MAP2K4: variants seen among roughly 807,000 people sequenced by gnomAD.
The protein encoded by MAP2K4 is dual specificity mitogen-activated protein kinase kinase 4.
Under a neutral mutation model 48.5 loss-of-function variants are expected in MAP2K4, and 4 were observed. That is an observed-to-expected ratio of 0.08 (90% CI 0.04 to 0.19). The LOEUF is 0.19. MAP2K4 is among the 10% of genes least tolerant of loss of function. The pLI, the probability that MAP2K4 is intolerant of heterozygous loss-of-function variation, is 1.00. For synonymous variants in MAP2K4, 166 were observed against 173.1 expected (o/e 0.96, Z 0.32); for missense variants, 258 against 493.3 (o/e 0.52, Z 4.52).
intron 2 of MAP2K4, among the ~76,000 whole-genome samples, chr17:12,073,764 T>G (rs1970898171): frequency 1.4e-5 from 2 of 145,162 alleles, no homozygotes; most frequent in South Asian, 4.6e-4. Context: ...TTCCTTCTCG[T>G]TGTAGATTTT....
Position 12,081,585 on chromosome 17 carries a change from G to T in MAP2K4, c.393+55G>T, listed in dbSNP as rs930842398. 22 of 1,547,640 alleles carry T rather than the reference G, an allele frequency of 1.4e-5. No homozygotes were observed. In the East Asian group the frequency reaches 4.8e-4, roughly 33 times the overall value. ...TTTAATCCATTAGGTGAAATTTCAT[G>T]GTGCAGTAATACCACTGTTGTTGTG... On this transcript the variant is annotated intron_variant, in intron 3 of 10. Coordinates refer to ENST00000353533, the MANE Select transcript of MAP2K4 (RefSeq NM_003010.4). This position sits in a 1 kb window ranked among gnomAD's most constrained non-coding sequence, Gnocchi z 4.2.
At chr17:12,110,538 A>G (rs1972270557) in intron 6 of MAP2K4, 112 bp downstream of exon 6, 1 of 758,854 alleles carries the variant, frequency 1.3e-6, no homozygotes, top group Admixed American at 2.8e-5. Context: ...AAATATTTGT[A>G]TTTTTAGCAA....
rs2151500907 is a variant in MAP2K4, at chr17:12,020,935, G to A, written c.49G>A (p.Gly17Ser). 8.2e-7 allele frequency: 1 copy of A among 1,216,090 alleles called. No homozygotes were observed. Among genetic ancestry groups the A allele is most frequent in the African/African-American group, 1.6e-5 (1 of 63,718 alleles). The allele number at this position is 1,216,090 out of a possible 1,614,324, so 75.3% of individuals were successfully genotyped here. ...SGGGGSGGGS[G>S]SGTPGPVGSP... The stretch of plus-strand genomic sequence containing the variant: ...CGGCGGCGGCTCCGGGGGCGGCAGC[G>A]GCAGCGGCACCCCCGGCCCCGTAGG... The change falls in exon 1 of 11, where the codon GGC becomes AGC. Residue 17 changes from glycine to serine, a missense_variant. Transcript: ENST00000353533.
intron 2 of MAP2K4, among the ~76,000 whole-genome samples, chr17:12,073,706 A>C (rs1970894759): frequency 6.6e-6 from 1 of 151,914 alleles, no homozygotes; most frequent in South Asian, 2.1e-4. Context: ...TACATCTGTG[A>C]TGCCATCACC....
intron 2 of MAP2K4, among the ~76,000 whole-genome samples, chr17:12,067,143 A>G (rs1240164570): frequency 1.3e-5 from 2 of 152,206 alleles, no homozygotes; most frequent in Non-Finnish European, 2.9e-5. Flanking sequence ...TCTTAGTTAT[A>G]TAGTATTCAT....
chr17:12,046,333 G>C (rs1969962737), intron 1 of MAP2K4, among the ~76,000 whole-genome samples: 1 of 152,124 alleles, frequency 6.6e-6, no homozygotes. Context: ...TTGGGGTTCG[G>C]GGGGTTATTT....
intron 7 of MAP2K4, among the ~76,000 whole-genome samples, chr17:12,121,687 T>C (rs570862196): frequency 6.6e-6 from 1 of 152,224 alleles, no homozygotes; most frequent in South Asian, 2.1e-4. Flanking sequence ...GTTTTGGAAG[T>C]GTTTTCAGAA....
chr17:12,139,950 C>A (rs1304869534), intron 10 of MAP2K4, 66 bp downstream of exon 10: 2 of 1,144,378 alleles, frequency 1.7e-6, no homozygotes, highest in South Asian at 2.0e-5. Flanking sequence ...CATGCTGGTT[C>A]ACTAAGCAAG....
At chr17:12,053,503 A>AT (rs540429084) in intron 1 of MAP2K4, among the ~76,000 whole-genome samples, 2 of 146,954 alleles carry the variant, frequency 1.4e-5, no homozygotes, top group African/African-American at 2.5e-5. Context: ...CCAAGGTTCA[A>AT]TTTTTTTTTA....
chr17:12,113,170 G>A (rs1327480583), intron 6 of MAP2K4, 63 bp from the exon 7 acceptor site: 1 of 1,527,816 alleles, frequency 6.5e-7, no homozygotes, highest in South Asian at 1.2e-5. Context: ...TTTGCTTAAA[G>A]TGAAGCCTTA....
Position 12,027,709 on chromosome 17 carries a change from TG to T in MAP2K4, c.115+6712del, listed in dbSNP as rs1319872587. 7.9e-5 allele frequency among the ~76,000 whole-genome samples: 12 copies of T among 152,262 alleles called. No individual in the cohort carries two copies. The East Asian group carries it at 1.5e-3, about 20-fold the overall frequency. On this transcript the variant is annotated intron_variant, in intron 1 of 10. Transcript: ENST00000353533. ...CTGGGATCTGGTTATGTGCCTGTCA[TG>T]GGGAAGCATCCATCTTTTTGGGGTT...
intron 1 of MAP2K4, among the ~76,000 whole-genome samples, chr17:12,053,620 TCCTC>T (rs1312186314): frequency 6.6e-6 from 1 of 152,098 alleles, no homozygotes; most frequent in East Asian, 1.9e-4. Flanking sequence ...TGAATGTCCT[TCCTC>T]TACATTATGT....
At chr17:12,105,897 C>G (rs1411980900) in intron 4 of MAP2K4, among the ~76,000 whole-genome samples, 1 of 152,074 alleles carries the variant, frequency 6.6e-6, no homozygotes, top group Non-Finnish European at 1.5e-5. Context: ...CCACATTTCC[C>G]TTCCTTCTCC....
chr17:12,041,104 C>A (rs1436511589), intron 1 of MAP2K4, among the ~76,000 whole-genome samples: 1 of 152,202 alleles, frequency 6.6e-6, no homozygotes, highest in Admixed American at 6.5e-5. Flanking sequence ...CTTGATTATT[C>A]TTAATTTAGT....
chr17:12,108,606 A>G (rs990873141), intron 5 of MAP2K4, among the ~76,000 whole-genome samples: 5 of 152,026 alleles, frequency 3.3e-5, no homozygotes, highest in African/African-American at 1.2e-4. Flanking sequence ...ATAGAGCAAA[A>G]TTCATAAGAT....
At chr17:12,111,710 G>C (rs1051039219) in intron 6 of MAP2K4, among the ~76,000 whole-genome samples, 1 of 152,108 alleles carries the variant, frequency 6.6e-6, no homozygotes, top group Non-Finnish European at 1.5e-5. Flanking sequence ...GGATCAGTTA[G>C]CTTTTTTGTT....
At chr17:12,061,895 T>C (rs1352818503) in intron 2 of MAP2K4, among the ~76,000 whole-genome samples, 1 of 145,536 alleles carries the variant, frequency 6.9e-6, no homozygotes, top group Non-Finnish European at 1.6e-5. Context: ...TTTTTCAGTG[T>C]GTTTTTTTTT....
rs1972820736 is a variant in MAP2K4, at chr17:12,125,313, G to A, written c.833G>A (p.Ser278Asn). 1.2e-6 allele frequency: 2 copies of A among 1,613,804 alleles called. No individual in the cohort carries two copies. Among genetic ancestry groups the A allele is most frequent in the Admixed American group, 1.7e-5 (1 of 59,996 alleles). Residue 278 changes from serine (S) to asparagine (N), a missense_variant, in exon 8 of 11, where the codon AGC becomes AAC. Around this residue, in one of 3 missense-constraint regions of MAP2K4, gnomAD observed 132 missense variants for 352.8 expected, o/e 0.37. Transcript: ENST00000353533. ...PYMAPERIDP[S>N]ASRQGYDVRS... ...TTCCAGCCTGAAAGAATAGACCCAAGCGCATCACGACAAGGATATGATGTC... is the reference window on the plus strand; with the variant it reads ...TTCCAGCCTGAAAGAATAGACCCAAACGCATCACGACAAGGATATGATGTC...
intron 1 of MAP2K4, among the ~76,000 whole-genome samples, chr17:12,045,122 AG>A (rs1229787855): frequency 6.6e-6 from 1 of 152,076 alleles, no homozygotes; most frequent in Non-Finnish European, 1.5e-5. Context: ...CACTCACTAG[AG>A]CTCTGTGTCA....
Sources: allele counts gnomAD v4.1 joint callset (sites outside exome capture counted in the v4.1 genomes callset), GRCh38; gene constraint gnomAD v4.1.1; regional missense constraint gnomAD v4.1.1; non-coding constraint Gnocchi (gnomAD v3.1); transcripts MANE v1.5; gene names NCBI Gene and HGNC (gene_info 2026-07-23, HGNC 2026-07-21).